RPH3A: variants seen among roughly 807,000 people sequenced by gnomAD.
RPH3A encodes the protein rabphilin 3A.
RPH3A carries 48 observed loss-of-function variants against 102.2 expected under a neutral mutation model. The observed-to-expected ratio is 0.47, with a 90% CI of 0.37 to 0.60. RPH3A has a LOEUF of 0.60. RPH3A is among the 20% of genes least tolerant of loss of function. The pLI is 0.00. For missense variants in RPH3A, 781 were observed against 910.1 expected, an observed-to-expected ratio of 0.86 and a Z score of 1.83; for synonymous variants, 310 against 324.3, an observed-to-expected ratio of 0.96 and a Z score of 0.47.
At chr12:112,852,048 G>A (rs1048327132) in intron 5 of RPH3A, among the ~76,000 whole-genome samples, 39 of 152,298 alleles carry the variant, frequency 2.6e-4, no homozygotes, top group African/African-American at 9.4e-4. Flanking sequence ...CAGGTTTTCT[G>A]CTTCAGGGGA....
chr12:112,761,035 T>C (rs894313890), intron 1 of RPH3A, among the ~76,000 whole-genome samples: 3 of 152,100 alleles, frequency 2.0e-5, no homozygotes, highest in Admixed American at 6.5e-5. Flanking sequence ...ATACAAATAA[T>C]TAGAGCTATG....
At chr12:112,816,792 G>C (rs902961833) in intron 2 of RPH3A, among the ~76,000 whole-genome samples, 4 of 152,134 alleles carry the variant, frequency 2.6e-5, no homozygotes, top group African/African-American at 9.7e-5. Context: ...GAAAGGCTGA[G>C]ATATTTCATT....
chr12:112,631,094 A>G (rs1278277895), intron 1 of RPH3A, among the ~76,000 whole-genome samples: 1 of 152,120 alleles, frequency 6.6e-6, no homozygotes, highest in African/African-American at 2.4e-5. Context: ...TTACAGGTGC[A>G]CAGTGGGTAA....
At chr12:112,627,333 A>G (rs1190823453) in intron 1 of RPH3A, among the ~76,000 whole-genome samples, 2 of 149,602 alleles carry the variant, frequency 1.3e-5, no homozygotes, top group African/African-American at 4.9e-5. Flanking sequence ...AGTATTTATT[A>G]CCTGTCATTA....
intron 17 of RPH3A, 113 bp from the exon 18 acceptor site, chr12:112,889,911 C>A (rs1370944503): frequency 3.2e-6 from 3 of 942,502 alleles, no homozygotes; most frequent in Non-Finnish European, 5.0e-6. Flanking sequence ...GCTTAAGAAC[C>A]CACTTTCATG....
chr12:112,724,706 C>T (rs528934353), intron 1 of RPH3A, among the ~76,000 whole-genome samples: 8 of 152,188 alleles, frequency 5.3e-5, no homozygotes, highest in Non-Finnish European at 5.9e-5. Context: ...CGGTGGCTCA[C>T]GCCTGTAATC....
chr12:112,816,151 C>T (rs2041667508), intron 2 of RPH3A, among the ~76,000 whole-genome samples: 3 of 152,284 alleles, frequency 2.0e-5, no homozygotes, highest in African/African-American at 7.2e-5. Flanking sequence ...TTTCTGTGGG[C>T]TCATTTCAAA....
At chr12:112,655,485 T>C (rs2040004433) in intron 1 of RPH3A, among the ~76,000 whole-genome samples, 1 of 152,020 alleles carries the variant, frequency 6.6e-6, no homozygotes. Flanking sequence ...GAGAGGGACC[T>C]TGTGTGTCCG....
At position 112,600,777 on chromosome 12, in the gene RPH3A, C is replaced by T. The variant is rs971657123; in HGVS notation, c.-140+25458C>T. On this transcript the variant is annotated intron_variant, in intron 1 of 21. Transcript: ENST00000543106. Reference sequence around the variant, plus strand: ...CTATATTTACAGCAGTGTCCCACTACCTCAGTACCAATTTACTATATTAGT... The same window carrying T: ...CTATATTTACAGCAGTGTCCCACTATCTCAGTACCAATTTACTATATTAGT... Among the ~76,000 whole-genome samples the T allele has an allele frequency of 2.8e-4, 42 of 152,154 alleles. 1 individual carries two copies. Among genetic ancestry groups the T allele is most frequent in the Non-Finnish European group, 4.4e-5 (3 of 68,030 alleles).
chr12:112,869,991 A>G lies in RPH3A; in HGVS notation c.748A>G (p.Ser250Gly). ...RMSSSSRDSESWDHSGGAGDS... is the reference protein window; with the variant it reads ...RMSSSSRDSEGWDHSGGAGDS... Reference sequence around the variant, plus strand: ...GAGCTCATCTAGCCGAGATTCAGAGAGCTGGGACCACAGTGGGGGTGCTGG... The same window carrying G: ...GAGCTCATCTAGCCGAGATTCAGAGGGCTGGGACCACAGTGGGGGTGCTGG... The change falls in exon 10 of 22, where the codon AGC becomes GGC. Residue 250 changes from serine to glycine, a missense_variant. Around this residue, in one of 2 missense-constraint regions of RPH3A, gnomAD observed 730 missense variants for 810.0 expected, o/e 0.90. Transcript: ENST00000389385. 4 of 1,614,100 alleles carry G rather than the reference A, an allele frequency of 2.5e-6. No individual in the cohort carries two copies. Among genetic ancestry groups the G allele is most frequent in the Non-Finnish European group, 3.4e-6 (4 of 1,180,016 alleles).
intron 2 of RPH3A, among the ~76,000 whole-genome samples, chr12:112,810,117 G>A (rs1265279900): frequency 6.6e-6 from 1 of 152,116 alleles, no homozygotes; most frequent in Admixed American, 6.5e-5. Flanking sequence ...AAATAAATCT[G>A]CAAAATCTCA....
chr12:112,580,685 C>T (rs919901341), intron 1 of RPH3A, among the ~76,000 whole-genome samples: 3 of 152,062 alleles, frequency 2.0e-5, no homozygotes, highest in Admixed American at 2.0e-4. Context: ...GGATTATAGA[C>T]GTGAGCCACC....
intron 1 of RPH3A, among the ~76,000 whole-genome samples, chr12:112,776,926 T>G: frequency 7.4e-6 from 1 of 135,842 alleles, no homozygotes; most frequent in Admixed American, 8.0e-5. Flanking sequence ...GTGCAAGGCC[T>G]CTTAAAGTCT....
chr12:112,698,269 G>A (rs1167105643), intron 1 of RPH3A, among the ~76,000 whole-genome samples: 1 of 152,114 alleles, frequency 6.6e-6, no homozygotes, highest in Non-Finnish European at 1.5e-5. Context: ...AAATGGATCA[G>A]AAACCTAAAT....
chr12:112,688,612 C>T (rs150755392), intron 1 of RPH3A, among the ~76,000 whole-genome samples: 1 of 152,244 alleles, frequency 6.6e-6, no homozygotes, highest in East Asian at 1.9e-4. Context: ...CTGAAAAAAA[C>T]CAATGGGAAC....
intron 2 of RPH3A, among the ~76,000 whole-genome samples, chr12:112,797,027 G>T (rs954238583): frequency 3.3e-5 from 5 of 152,116 alleles, no homozygotes; most frequent in African/African-American, 1.2e-4. Flanking sequence ...TCCAGCCTAG[G>T]GTAAGACTCT....
chr12:112,627,764 T>A (rs1592914869), intron 1 of RPH3A, among the ~76,000 whole-genome samples: 1 of 151,478 alleles, frequency 6.6e-6, no homozygotes, highest in African/African-American at 2.4e-5. Flanking sequence ...GGGAGGGAGG[T>A]CAGGGAAGCC....
chr12:112,795,767 C>T (rs532418946), intron 2 of RPH3A, among the ~76,000 whole-genome samples: 1 of 152,268 alleles, frequency 6.6e-6, no homozygotes, highest in Admixed American at 6.5e-5. Context: ...CTCTCTGGAC[C>T]TCAATTTTCC....
intron 1 of RPH3A, among the ~76,000 whole-genome samples, chr12:112,686,487 A>G (rs147684410): frequency 4.6e-4 from 70 of 152,348 alleles, no homozygotes; most frequent in African/African-American, 1.6e-3. Context: ...GTGCTCGTGC[A>G]TCAGGGCTTT....
Sources: gnomAD v4.1 joint callset for allele counts (sites outside exome capture counted in the v4.1 genomes callset) on GRCh38, gnomAD v4.1.1 for gene constraint, gnomAD v4.1.1 regional missense constraint, MANE v1.5 for transcripts, NCBI Gene and HGNC (gene_info 2026-07-23, HGNC 2026-07-21) for gene names.